The following LRP1B variants were observed in gnomAD, a reference collection of about 807,000 sequenced individuals.
The protein encoded by LRP1B is LDL receptor related protein 1B.
In LRP1B, 217 loss-of-function variants were observed where a neutral mutation model predicts 556.6. That is an observed-to-expected ratio of 0.39 (90% CI 0.35 to 0.44). The LOEUF (loss-of-function observed/expected upper bound fraction) is 0.44, where lower values mean the gene tolerates loss of function less well. LRP1B is among the 20% of genes least tolerant of loss of function. The pLI is 1.00. For missense variants in LRP1B, 5,053 were observed against 5,620.8 expected (o/e 0.90, Z 3.23); for synonymous variants, 2,047 against 1,865.8 (o/e 1.10, Z -2.50).
chr2:140,241,031 T>C (rs567505707), intron 87 of LRP1B, among the ~76,000 whole-genome samples: 1 of 151,070 alleles, frequency 6.6e-6, no homozygotes, highest in African/African-American at 2.4e-5. Flanking sequence ...CTTCGAGAAA[T>C]AACTCGTGTA....
intron 1 of LRP1B, among the ~76,000 whole-genome samples, chr2:142,012,571 A>G (rs1448304050): frequency 6.6e-6 from 1 of 152,160 alleles, no homozygotes; most frequent in East Asian, 1.9e-4. Flanking sequence ...CAGAAAAGAA[A>G]ACTGATGCCC....
intron 1 of LRP1B, among the ~76,000 whole-genome samples, chr2:142,015,452 A>T (rs1490246124): frequency 6.6e-6 from 1 of 152,214 alleles, no homozygotes; most frequent in Non-Finnish European, 1.5e-5. Flanking sequence ...CATTCAGGAC[A>T]TAGGCATGGG....
At chr2:140,527,615 A>T (rs4511667) in intron 47 of LRP1B, among the ~76,000 whole-genome samples, 9,403 of 151,936 alleles carry the variant, frequency 0.062, 969 homozygotes, top group African/African-American at 0.21. Flanking sequence ...AAAAATGATA[A>T]CACAACATGT....
intron 1 of LRP1B, among the ~76,000 whole-genome samples, chr2:141,989,316 T>C (rs1702280451): frequency 6.6e-6 from 1 of 152,068 alleles, no homozygotes; most frequent in Non-Finnish European, 1.5e-5. Flanking sequence ...CCATGATTTC[T>C]TCCTCTGATG....
intron 1 of LRP1B, among the ~76,000 whole-genome samples, chr2:142,100,749 T>C (rs1289093308): frequency 6.6e-6 from 1 of 151,994 alleles, no homozygotes; most frequent in Non-Finnish European, 1.5e-5. Context: ...CTGATGATAA[T>C]AACCAAGCTG....
intron 1 of LRP1B, among the ~76,000 whole-genome samples, chr2:142,018,117 C>G (rs1180672455): frequency 6.6e-6 from 1 of 152,048 alleles, no homozygotes; most frequent in African/African-American, 2.4e-5. Context: ...AGTTAATGTC[C>G]TTTATGTGGC....
intron 2 of LRP1B, among the ~76,000 whole-genome samples, chr2:141,623,879 G>T (rs1441023761): frequency 6.6e-6 from 1 of 151,376 alleles, no homozygotes; most frequent in East Asian, 1.9e-4. Flanking sequence ...GCCGGGCACG[G>T]TGGCAGGTTC....
At chr2:140,778,618 A>G (rs539509675) in intron 32 of LRP1B, among the ~76,000 whole-genome samples, 1 of 152,198 alleles carries the variant, frequency 6.6e-6, no homozygotes, top group Non-Finnish European at 1.5e-5. Flanking sequence ...ATTAATTTGT[A>G]GTGAAAATTA....
rs531170787 is a variant in LRP1B, at chr2:142,105,405, T to A, written c.82+25243A>T. Among the ~76,000 whole-genome samples the A allele has an allele frequency of 5.9e-5, 9 of 152,258 alleles. No individual in the cohort carries two copies. The South Asian group carries it at 1.7e-3, about 28-fold the overall frequency. On this transcript the variant is annotated intron_variant, in intron 1 of 90. Transcript: ENST00000389484. ...TGATGTGTCATTTCTCATTGACACA[T>A]CCCATTAAATAGGGCTAGATATGGC...
At chr2:140,790,096 A>G (rs1018780967) in intron 32 of LRP1B, among the ~76,000 whole-genome samples, 2 of 151,986 alleles carry the variant, frequency 1.3e-5, no homozygotes, top group African/African-American at 2.4e-5. Flanking sequence ...TCTGTCTGAC[A>G]TTTTTGTATA....
intron 3 of LRP1B, among the ~76,000 whole-genome samples, chr2:141,300,467 G>A (rs1686347319): frequency 6.6e-6 from 1 of 152,146 alleles, no homozygotes; most frequent in Non-Finnish European, 1.5e-5. Flanking sequence ...TTATAACTAG[G>A]TAAACCTAAA....
intron 84 of LRP1B, among the ~76,000 whole-genome samples, chr2:140,281,216 C>A (rs965440122): frequency 6.6e-6 from 1 of 151,790 alleles, no homozygotes; most frequent in African/African-American, 2.4e-5. Context: ...AAAATATGTG[C>A]GTGTATGTGC....
chr2:141,958,392 T>G (rs564529671), intron 1 of LRP1B, among the ~76,000 whole-genome samples: 2 of 152,012 alleles, frequency 1.3e-5, no homozygotes, highest in Non-Finnish European at 2.9e-5. Context: ...GTAAGCCTTG[T>G]GGAGAATCTA....
intron 3 of LRP1B, among the ~76,000 whole-genome samples, chr2:141,393,226 C>T (rs1008408864): frequency 6.6e-6 from 1 of 150,958 alleles, no homozygotes; most frequent in African/African-American, 2.4e-5. Context: ...CATAAACATA[C>T]ACACACACAC....
intron 7 of LRP1B, among the ~76,000 whole-genome samples, chr2:141,089,347 A>G (rs1269447222): frequency 7.9e-5 from 12 of 152,192 alleles, no homozygotes; most frequent in Non-Finnish European, 5.9e-5. Context: ...TGTTAGGACC[A>G]ATTCTGAATT....
chr2:140,544,129 T>C (rs1680236775), intron 43 of LRP1B, among the ~76,000 whole-genome samples: 1 of 151,956 alleles, frequency 6.6e-6, no homozygotes, highest in Non-Finnish European at 1.5e-5. Flanking sequence ...ATTCCTTTAA[T>C]AACTTTTAAG....
chr2:141,147,057 A>C (rs1574124290), intron 7 of LRP1B, among the ~76,000 whole-genome samples: 1 of 152,200 alleles, frequency 6.6e-6, no homozygotes, highest in East Asian at 1.9e-4. Flanking sequence ...GACTGAAAGA[A>C]AGAGACTTAG....
At chr2:140,568,322 C>T (rs1681202454) in intron 43 of LRP1B, among the ~76,000 whole-genome samples, 1 of 150,208 alleles carries the variant, frequency 6.7e-6, no homozygotes, top group South Asian at 2.1e-4. Context: ...AACCCTGAAA[C>T]TAATTCCATG....
rs138928458 is a variant in LRP1B, at chr2:141,349,055, C to A, written c.344-94414G>T. Among the ~76,000 whole-genome samples the A allele has an allele frequency of 4.2e-3, 633 of 152,030 alleles. 4 individuals are homozygous for A. The highest frequency in any genetic ancestry group is 0.014 in the African/African-American group (564 of 41,408). On this transcript the variant is annotated intron_variant, in intron 3 of 90. Transcript: ENST00000389484. ...AAACCCTTTTTCTTGTATAAATTAC[C>A]CAGTTTCAGGTATGTCTTTATCAAC...
Sources: allele counts gnomAD v4.1 joint callset (sites outside exome capture counted in the v4.1 genomes callset), GRCh38; gene constraint gnomAD v4.1.1; transcripts MANE v1.5; gene names NCBI Gene and HGNC (gene_info 2026-07-23, HGNC 2026-07-21).